Variants in SLC9A9 observed in about 807,000 individuals in gnomAD.
SLC9A9 encodes the protein solute carrier family 9 member A9, also known as sodium/hydrogen exchanger 9.
A neutral mutation model predicts 77.8 loss-of-function variants in SLC9A9; 62 were observed. The observed-to-expected ratio is 0.80, with a 90% CI of 0.65 to 0.98. SLC9A9 has a LOEUF of 0.98. Ranked by LOEUF, SLC9A9 falls within the 50% of genes least tolerant of loss-of-function variation. The pLI is 0.00. For synonymous variants in SLC9A9, 320 were observed against 283.5 expected (o/e 1.13, Z -1.29); for missense variants, 775 against 774.9 (o/e 1.00, Z 0.00).
intron 9 of SLC9A9, among the ~76,000 whole-genome samples, chr3:143,523,313 T>C (rs984435513): frequency 3.3e-5 from 5 of 152,158 alleles, no homozygotes; most frequent in Admixed American, 3.3e-4. Context: ...TACATTGAAA[T>C]GAAAAATCTG....
At chr3:143,553,012 T>G (rs4839641) in intron 8 of SLC9A9, among the ~76,000 whole-genome samples, 80,320 of 151,890 alleles carry the variant, frequency 0.53, 21,461 homozygotes, top group African/African-American at 0.59. Flanking sequence ...GACCTTGTTT[T>G]CTCCTGTGCC....
chr3:143,704,700 A>T (rs76021486), intron 4 of SLC9A9, among the ~76,000 whole-genome samples: 5 of 128,296 alleles, frequency 3.9e-5, no homozygotes, highest in Admixed American at 7.6e-5. Flanking sequence ...CAAATGGATT[A>T]AAAAAAATGT....
At chr3:143,388,219 A>G (rs1480750048) in intron 12 of SLC9A9, among the ~76,000 whole-genome samples, 1 of 152,082 alleles carries the variant, frequency 6.6e-6, no homozygotes, top group Non-Finnish European at 1.5e-5. Context: ...CTGCTACTGA[A>G]CCCTGTATTA....
intron 5 of SLC9A9, among the ~76,000 whole-genome samples, chr3:143,691,989 A>T (rs921723731): frequency 1.3e-5 from 2 of 152,046 alleles, no homozygotes; most frequent in African/African-American, 4.8e-5. Flanking sequence ...TTGCCTCTGG[A>T]GGTGATGAAA....
At chr3:143,631,156 C>T (rs969910578) in intron 6 of SLC9A9, among the ~76,000 whole-genome samples, 1 of 152,158 alleles carries the variant, frequency 6.6e-6, no homozygotes, top group African/African-American at 2.4e-5. Flanking sequence ...ACATCTAACT[C>T]TAAATCCTTC....
At chr3:143,340,730 T>C (rs1162552085) in intron 14 of SLC9A9, among the ~76,000 whole-genome samples, 1 of 152,218 alleles carries the variant, frequency 6.6e-6, no homozygotes, top group Non-Finnish European at 1.5e-5. Context: ...CTGAATATAC[T>C]CATAAAAGGT....
chr3:143,643,792 A>G (rs2038659617), intron 6 of SLC9A9, among the ~76,000 whole-genome samples: 1 of 152,062 alleles, frequency 6.6e-6, no homozygotes, highest in Admixed American at 6.5e-5. Flanking sequence ...TCTTCCAATA[A>G]TGGATTCCAT....
At chr3:143,508,692 C>T (rs2036068393) in intron 9 of SLC9A9, among the ~76,000 whole-genome samples, 1 of 152,172 alleles carries the variant, frequency 6.6e-6, no homozygotes, top group Non-Finnish European at 1.5e-5. Context: ...TTTCCCCCAT[C>T]TCCAATTTAT....
At chr3:143,796,211 G>A (rs938404918) in intron 3 of SLC9A9, among the ~76,000 whole-genome samples, 1 of 152,152 alleles carries the variant, frequency 6.6e-6, no homozygotes, top group Non-Finnish European at 1.5e-5. Context: ...TGTTAGACAA[G>A]TGCATAGAAA....
At chr3:143,320,595 C>T (rs1056955718) in intron 14 of SLC9A9, among the ~76,000 whole-genome samples, 3 of 152,086 alleles carry the variant, frequency 2.0e-5, no homozygotes, top group South Asian at 2.1e-4. Context: ...ATAACCAGAT[C>T]GCATGTGAAC....
At chr3:143,666,488 A>C (rs568451983) in intron 5 of SLC9A9, among the ~76,000 whole-genome samples, 1 of 152,364 alleles carries the variant, frequency 6.6e-6, no homozygotes, top group African/African-American at 2.4e-5. Flanking sequence ...TGGCAAAGGC[A>C]ATCAGACAGG....
chr3:143,631,897 T>C (rs1421049916), intron 6 of SLC9A9, among the ~76,000 whole-genome samples: 4 of 152,162 alleles, frequency 2.6e-5, no homozygotes, highest in African/African-American at 9.7e-5. Context: ...CAACAATACA[T>C]AGGCTGCTCC....
intron 14 of SLC9A9, among the ~76,000 whole-genome samples, chr3:143,333,924 T>A (rs1429532862): frequency 2.0e-5 from 3 of 151,934 alleles, no homozygotes; most frequent in Non-Finnish European, 1.5e-5. Flanking sequence ...AAACTTCAAG[T>A]GGATGTCATG....
At chr3:143,637,130 T>C (rs531973237) in intron 6 of SLC9A9, among the ~76,000 whole-genome samples, 7 of 152,176 alleles carry the variant, frequency 4.6e-5, no homozygotes, top group African/African-American at 1.7e-4. Context: ...ATGGATCTTA[T>C]CCAAAATGAA....
intron 13 of SLC9A9, chr3:143,381,217 A>C (rs2033295188): frequency 6.6e-6 from 1 of 152,164 alleles, no homozygotes; most frequent in African/African-American, 2.4e-5. Context: ...TCTAACTCCC[A>C]CAATTCCCAT....
At chr3:143,410,876 C>T (rs1237915955) in intron 12 of SLC9A9, among the ~76,000 whole-genome samples, 4 of 151,986 alleles carry the variant, frequency 2.6e-5, no homozygotes, top group South Asian at 4.2e-4. Context: ...TAAATTTTAG[C>T]GAGGATTTTC....
At chr3:143,308,400 C>T (rs2030888741) in intron 14 of SLC9A9, among the ~76,000 whole-genome samples, 1 of 151,986 alleles carries the variant, frequency 6.6e-6, no homozygotes, top group Non-Finnish European at 1.5e-5. Context: ...CACGGTGAAA[C>T]CCCGTCTCTA....
At chr3:143,373,194 C>T (rs539160762) in intron 13 of SLC9A9, among the ~76,000 whole-genome samples, 33 of 152,238 alleles carry the variant, frequency 2.2e-4, no homozygotes, top group Admixed American at 1.4e-3. Context: ...AGATACGGCA[C>T]CAACCTAAGT....
intron 12 of SLC9A9, among the ~76,000 whole-genome samples, chr3:143,388,200 G>T (rs2033471831): frequency 6.6e-6 from 1 of 152,064 alleles, no homozygotes; most frequent in Non-Finnish European, 1.5e-5. Flanking sequence ...ATCACTTGGG[G>T]GCCAACATCT....
Sources: allele counts gnomAD v4.1 joint callset (sites outside exome capture counted in the v4.1 genomes callset), GRCh38; gene constraint gnomAD v4.1.1; transcripts MANE v1.5; gene names NCBI Gene and HGNC (gene_info 2026-07-23, HGNC 2026-07-21).